Variants in SLC24A2 observed in about 807,000 individuals in gnomAD.
SLC24A2 encodes sodium/potassium/calcium exchanger 2.
In SLC24A2, 36 loss-of-function variants were observed where a neutral mutation model predicts 62.0. That is an observed-to-expected ratio of 0.58 (90% CI 0.44 to 0.77). The LOEUF (loss-of-function observed/expected upper bound fraction) is 0.77. Among genes scored for constraint, SLC24A2 ranks in the 30% least tolerant of loss-of-function variants. SLC24A2 has a pLI of 0.00. For synonymous variants in SLC24A2, 358 were observed against 294.0 expected, an observed-to-expected ratio of 1.22 and a Z score of -2.23; for missense variants, 846 against 817.9, an observed-to-expected ratio of 1.03 and a Z score of -0.42.
chr9:19,768,855 C>T (rs990656773), intron 2 of SLC24A2, among the ~76,000 whole-genome samples: 1 of 152,182 alleles, frequency 6.6e-6, no homozygotes, highest in Non-Finnish European at 1.5e-5. Flanking sequence ...AGCTGCACCT[C>T]CCAGGCTCCC....
At chr9:20,023,956 A>G in the SLC24A2 span, among the ~76,000 whole-genome samples, 1 of 152,252 alleles carries the variant, frequency 6.6e-6, no homozygotes, top group Non-Finnish European at 1.5e-5. Flanking sequence ...CATGGTGCTC[A>G]GGCATAAGAA....
chr9:20,162,758 A>C, the SLC24A2 span, among the ~76,000 whole-genome samples: 1 of 152,152 alleles, frequency 6.6e-6, no homozygotes, highest in East Asian at 1.9e-4. Flanking sequence ...CGAATCCAGC[A>C]GCACATCAAA....
chr9:19,871,539 A>G, the SLC24A2 span, among the ~76,000 whole-genome samples: 2 of 152,224 alleles, frequency 1.3e-5, no homozygotes, highest in African/African-American at 4.8e-5. Flanking sequence ...TTGCCATTTC[A>G]GTTAATAATG....
chr9:19,853,998 C>G, the SLC24A2 span, among the ~76,000 whole-genome samples: 1 of 152,074 alleles, frequency 6.6e-6, no homozygotes, highest in African/African-American at 2.4e-5. Context: ...TTGGTTTATT[C>G]AGGGATTCAG....
intron 8 of SLC24A2, among the ~76,000 whole-genome samples, chr9:19,546,314 T>C (rs1472064809): frequency 6.6e-6 from 1 of 152,222 alleles, no homozygotes; most frequent in Non-Finnish European, 1.5e-5. Context: ...CCAGATGCTC[T>C]GTCCCAGGGA....
intron 2 of SLC24A2, among the ~76,000 whole-genome samples, chr9:19,708,486 C>G (rs62565882): frequency 6.6e-6 from 1 of 152,182 alleles, no homozygotes; most frequent in Non-Finnish European, 1.5e-5. Flanking sequence ...GGAGCCATCA[C>G]GCTACCTGAC....
intron 2 of SLC24A2, among the ~76,000 whole-genome samples, chr9:19,699,451 T>A (rs1363804252): frequency 6.6e-6 from 1 of 152,206 alleles, no homozygotes; most frequent in Admixed American, 6.5e-5. Flanking sequence ...GGAACAATTA[T>A]GTTCAACAGT....
At chr9:19,636,319 CTTT>C (rs760122285) in intron 2 of SLC24A2, among the ~76,000 whole-genome samples, 11,115 of 40,368 alleles carry the variant, frequency 0.28, 1,617 homozygotes, top group East Asian at 0.44. Flanking sequence ...CTTTTCTTTT[CTTT>C]CTTTCTTTCT....
At chr9:20,253,147 G>A in the SLC24A2 span, among the ~76,000 whole-genome samples, 10 of 152,266 alleles carry the variant, frequency 6.6e-5, no homozygotes, top group African/African-American at 2.4e-4. Context: ...TTAGGAGCCT[G>A]GTCTCTTAAC....
chr9:19,925,428 C>T, the SLC24A2 span, among the ~76,000 whole-genome samples: 1 of 152,158 alleles, frequency 6.6e-6, no homozygotes, highest in Non-Finnish European at 1.5e-5. Flanking sequence ...AGCACAATTA[C>T]TTGTGGTAGA....
the SLC24A2 span, among the ~76,000 whole-genome samples, chr9:20,024,809 A>G: frequency 6.6e-6 from 1 of 152,146 alleles, no homozygotes; most frequent in Admixed American, 6.6e-5. Context: ...GTCCCAAAGC[A>G]TGAAGCATCT....
At chr9:20,240,201 C>T in the SLC24A2 span, among the ~76,000 whole-genome samples, 1 of 152,160 alleles carries the variant, frequency 6.6e-6, no homozygotes, top group African/African-American at 2.4e-5. Flanking sequence ...GAGCAGCCAC[C>T]CTACCTGGGC....
chr9:20,301,647 A>G, the SLC24A2 span, among the ~76,000 whole-genome samples: 1 of 151,540 alleles, frequency 6.6e-6, no homozygotes, highest in Non-Finnish European at 1.5e-5. Context: ...GAGATTTCCA[A>G]TATACTCCAT....
chr9:19,981,246 ATCAT>A, the SLC24A2 span, among the ~76,000 whole-genome samples: 6 of 152,206 alleles, frequency 3.9e-5, no homozygotes, highest in African/African-American at 1.4e-4. Context: ...ACATTAATTC[ATCAT>A]TCATTCTTTC....
chr9:20,069,191 C>A, the SLC24A2 span, among the ~76,000 whole-genome samples: 2 of 152,150 alleles, frequency 1.3e-5, no homozygotes, highest in Non-Finnish European at 2.9e-5. Context: ...TATGTAAATT[C>A]AACTCTACAC....
chr9:19,518,788 A>C (rs1036274986), intron 10 of SLC24A2, among the ~76,000 whole-genome samples: 5 of 152,198 alleles, frequency 3.3e-5, no homozygotes, highest in African/African-American at 9.7e-5. Flanking sequence ...ATGCTGGCAA[A>C]GCTATGAAGA....
chr9:20,249,314 C>A, the SLC24A2 span, among the ~76,000 whole-genome samples: 5 of 152,064 alleles, frequency 3.3e-5, no homozygotes, highest in Admixed American at 6.5e-5. Context: ...AACTGTGAAC[C>A]ATGGACAGTT....
chr9:20,116,304 T>C, the SLC24A2 span, among the ~76,000 whole-genome samples: 1 of 152,162 alleles, frequency 6.6e-6, no homozygotes, highest in South Asian at 2.1e-4. Flanking sequence ...TAGGTCCTTA[T>C]GGATCTTCCT....
At chr9:20,274,524 G>C in the SLC24A2 span, among the ~76,000 whole-genome samples, 23 of 152,252 alleles carry the variant, frequency 1.5e-4, no homozygotes, top group African/African-American at 5.5e-4. Context: ...AGGAACTATT[G>C]TCAAACTCAG....
Sources: allele counts gnomAD v4.1 joint callset (sites outside exome capture counted in the v4.1 genomes callset), GRCh38; gene constraint gnomAD v4.1.1; transcripts MANE v1.5; gene names NCBI Gene and HGNC (gene_info 2026-07-23, HGNC 2026-07-21).